Variants in AKAP12 observed in about 807,000 individuals in gnomAD.
The protein encoded by AKAP12 is A-kinase anchor protein 12.
Under a neutral mutation model 79.9 loss-of-function variants are expected in AKAP12, and 32 were observed. The observed-to-expected ratio is 0.40, with a 90% CI of 0.30 to 0.54. AKAP12 has a LOEUF of 0.54. Ranked by LOEUF, AKAP12 falls within the 20% of genes least tolerant of loss-of-function variation. The probability of loss-of-function intolerance (pLI) is 0.48; values close to 1 mark genes in which losing one functional copy is unlikely to be tolerated. For missense variants in AKAP12, 2,074 were observed against 2,177.0 expected (o/e 0.95, Z 0.94); for synonymous variants, 808 against 857.0 (o/e 0.94, Z 1.00).
At chr6:151,268,547 A>T (rs919011701) in intron 2 of AKAP12, among the ~76,000 whole-genome samples, 18 of 152,260 alleles carry the variant, frequency 1.2e-4, no homozygotes, top group African/African-American at 3.9e-4. Context: ...ACAAGGGAAG[A>T]TAAGACTTCT....
At chr6:151,293,913 T>A (rs2114739926) in intron 2 of AKAP12, among the ~76,000 whole-genome samples, 1 of 152,288 alleles carries the variant, frequency 6.6e-6, no homozygotes, top group Admixed American at 6.5e-5. Flanking sequence ...TGCATTTTCT[T>A]GGTTTAAGTT....
chr6:151,242,976 C>G (rs1206647355), intron 2 of AKAP12, among the ~76,000 whole-genome samples: 1 of 152,170 alleles, frequency 6.6e-6, no homozygotes, highest in African/African-American at 2.4e-5. Flanking sequence ...TTGATCATTT[C>G]ATTATCACGT....
chr6:151,269,640 C>T (rs188482249), intron 2 of AKAP12, among the ~76,000 whole-genome samples: 2 of 152,286 alleles, frequency 1.3e-5, no homozygotes, highest in East Asian at 1.9e-4. Context: ...GATCACTTTG[C>T]CTCCGAGCAC....
chr6:151,295,507 G>A (rs1338849165), intron 2 of AKAP12, among the ~76,000 whole-genome samples: 4 of 152,064 alleles, frequency 2.6e-5, no homozygotes, highest in African/African-American at 9.7e-5. Flanking sequence ...AGCACTCCTG[G>A]GCCCTCAAGC....
At position 151,350,612 on chromosome 6, in the gene AKAP12, A is replaced by C. The variant is rs146088180; in HGVS notation, c.2221A>C (p.Ser741Arg). 6,244 of 1,614,032 alleles carry C rather than the reference A, an allele frequency of 3.9e-3. 47 individuals are homozygous for C. The highest frequency in any genetic ancestry group is 0.023 in the South Asian group (2,126 of 91,074). The change falls in exon 4 of 5, where the codon AGT becomes CGT. Residue 741 changes from serine (S) to arginine (R), a missense_variant. Physicochemically the swap from Ser to Arg is moderately radical, Grantham distance 110. Around this residue, in one of 3 missense-constraint regions of AKAP12, gnomAD observed 1,428 missense variants for 1,451.0 expected, o/e 0.98. Transcript: ENST00000402676. This position sits in a 1 kb window ranked among gnomAD's most constrained non-coding sequence, Gnocchi z 4.8. ...GSQEHDPGQG[S>R]SSPEQAGSPT... is the part of the protein sequence containing the mutation. Reference sequence around the variant, plus strand: ...CCAAGAACATGATCCAGGGCAGGGAAGTTCCTCCCCGGAGCAAGCTGGAAG... The same window carrying C: ...CCAAGAACATGATCCAGGGCAGGGACGTTCCTCCCCGGAGCAAGCTGGAAG...
chr6:151,314,904 T>C (rs1777201342), intron 3 of AKAP12, among the ~76,000 whole-genome samples: 1 of 151,840 alleles, frequency 6.6e-6, no homozygotes, highest in Admixed American at 6.6e-5. Flanking sequence ...ATACAAAAAT[T>C]AGCCCGGCAT....
chr6:151,353,230 A>G lies in AKAP12; in HGVS notation c.4839A>G (p.Ser1613=). ...ASAQDETPIT[S]AKEESESTAV... ...CACAGGATGAAACACCAATTACTTC[A>G]GCCAAAGAGGAGTCAGAGTCAACCG... Residue 1613 remains serine, a synonymous_variant, in exon 4 of 5, where the codon TCA becomes TCG. Transcript: ENST00000402676. 6.2e-7 allele frequency: 1 copy of G among 1,614,206 alleles called. No individual in the cohort carries two copies. The highest frequency in any genetic ancestry group is 8.5e-7 in the Non-Finnish European group (1 of 1,180,032).
At chr6:151,325,079 A>T (rs1304372660) in intron 3 of AKAP12, 8 of 985,342 alleles carry the variant, frequency 8.1e-6, no homozygotes, top group Non-Finnish European at 7.2e-6. Flanking sequence ...CACTTGTTAG[A>T]AGGAACAAGT....
At chr6:151,311,176 C>T (rs115831026) in intron 3 of AKAP12, among the ~76,000 whole-genome samples, 3,282 of 152,274 alleles carry the variant, frequency 0.022, 112 homozygotes, top group African/African-American at 0.075. Flanking sequence ...TGCCATGTTG[C>T]CCAGGCTGGT....
chr6:151,325,596 C>A, intron 3 of AKAP12: 1 of 1,350,308 alleles, frequency 7.4e-7, no homozygotes, highest in South Asian at 1.7e-5. Context: ...GGGGCCAGCG[C>A]CAGCCCGCGT....
At chr6:151,298,500 A>C (rs1776786008) in intron 2 of AKAP12, among the ~76,000 whole-genome samples, 1 of 152,180 alleles carries the variant, frequency 6.6e-6, no homozygotes, top group African/African-American at 2.4e-5. Context: ...AGGTATATAA[A>C]AATGAATTCT....
At chr6:151,261,859 T>G (rs1797446291) in intron 2 of AKAP12, among the ~76,000 whole-genome samples, 1 of 151,644 alleles carries the variant, frequency 6.6e-6, no homozygotes, top group Non-Finnish European at 1.5e-5. Flanking sequence ...AGATAGCAAT[T>G]TAGCCTGTTA....
intron 2 of AKAP12, among the ~76,000 whole-genome samples, chr6:151,253,591 A>G (rs939743686): frequency 2.6e-5 from 4 of 152,208 alleles, no homozygotes; most frequent in Non-Finnish European, 5.9e-5. Context: ...TAGGTGGCCT[A>G]TCTACTTTGA....
chr6:151,325,375 G>A lies in AKAP12; in HGVS notation c.319+19472G>A, dbSNP rs899954605. 22 of 985,318 alleles carry A rather than the reference G, an allele frequency of 2.2e-5. No homozygotes were observed. The African/African-American group carries it at 3.7e-4, about 16-fold the overall frequency. The allele number at this position is 985,318 out of a possible 1,614,324, so 61.0% of individuals were successfully genotyped here. A position where few individuals can be genotyped will look rare whatever the true frequency, so the allele number is the denominator to read the frequency against. ...AGAAGTATTAGTAAATCGGTGCCAGGAATGAAGTAACCGTTTAGATCCAAT... is the reference window on the plus strand; with the variant it reads ...AGAAGTATTAGTAAATCGGTGCCAGAAATGAAGTAACCGTTTAGATCCAAT... On this transcript the variant is annotated intron_variant, in intron 3 of 4. Coordinates refer to ENST00000402676, the MANE Select transcript of AKAP12 (RefSeq NM_005100.4).
At chr6:151,324,272 CGCCAGGCCGGGTATTT>C (rs1447824126) in intron 3 of AKAP12, 4 of 985,296 alleles carry the variant, frequency 4.1e-6, no homozygotes, top group Non-Finnish European at 4.8e-6. Context: ...TCCCTGTTCC[CGCCAGGCCGGGTATTT>C]GCCAGGATGT....
intron 3 of AKAP12, among the ~76,000 whole-genome samples, chr6:151,321,903 G>GTTTTTTTTTTT (rs11415941): frequency 3.0e-5 from 2 of 67,356 alleles, no homozygotes; most frequent in African/African-American, 1.2e-4. Context: ...TCAGCTTTAT[G>GTTTTTTTTTTT]TTTTTTTTTT....
intron 3 of AKAP12, among the ~76,000 whole-genome samples, chr6:151,321,914 T>TTG (rs1562738046): frequency 7.5e-5 from 11 of 146,050 alleles, no homozygotes; most frequent in African/African-American, 2.8e-4. Context: ...TTTTTTTTTT[T>TTG]TTTTTTTTTT....
At chr6:151,311,920 C>T (rs1777113146) in intron 3 of AKAP12, among the ~76,000 whole-genome samples, 1 of 152,222 alleles carries the variant, frequency 6.6e-6, no homozygotes, top group Non-Finnish European at 1.5e-5. Context: ...CTAAGACCTG[C>T]TCTGAGCCTC....
At chr6:151,325,574 C>T in intron 3 of AKAP12, 1 of 1,313,176 alleles carries the variant, frequency 7.6e-7, no homozygotes, top group Non-Finnish European at 9.7e-7. Context: ...AGTCCTGGAG[C>T]TCAGCAAGGG....
Sources: allele counts gnomAD v4.1 joint callset (sites outside exome capture counted in the v4.1 genomes callset), GRCh38; gene constraint gnomAD v4.1.1; regional missense constraint gnomAD v4.1.1; non-coding constraint Gnocchi (gnomAD v3.1); transcripts MANE v1.5; gene names NCBI Gene and HGNC (gene_info 2026-07-23, HGNC 2026-07-21).